LPAR5: variants seen among roughly 807,000 people sequenced by gnomAD.
LPAR5 encodes the protein lysophosphatidic acid receptor 5, also known as G protein-coupled receptor 92.
For synonymous variants in LPAR5, 271 were observed against 261.6 expected (o/e 1.04, Z -0.35); for missense variants, 544 against 521.8 (o/e 1.04, Z -0.41).
At chr12:6,632,839 C>T (rs1427570744) in intron 1 of LPAR5, among the ~76,000 whole-genome samples, 2 of 152,220 alleles carry the variant, frequency 1.3e-5, no homozygotes, top group Non-Finnish European at 2.9e-5. Flanking sequence ...AGGCCTCCTT[C>T]TGCCCAGGGG....
intron 1 of LPAR5, among the ~76,000 whole-genome samples, chr12:6,628,790 G>A (rs1368288424): frequency 1.3e-5 from 2 of 151,936 alleles, no homozygotes; most frequent in Non-Finnish European, 2.9e-5. Context: ...GTGCCACCAC[G>A]CCCAGCTAAT....
chr12:6,625,001 G>A (rs1948923553), intron 1 of LPAR5, among the ~76,000 whole-genome samples: 1 of 152,130 alleles, frequency 6.6e-6, no homozygotes, highest in Admixed American at 6.6e-5. Flanking sequence ...TGAATACTTG[G>A]ATTCTTTCCA....
chr12:6,633,380 A>G (rs185049396), intron 1 of LPAR5, among the ~76,000 whole-genome samples: 230 of 149,364 alleles, frequency 1.5e-3, no homozygotes, highest in Non-Finnish European at 2.3e-3. Flanking sequence ...TTCAGCCCTC[A>G]CTGCTCTTGC....
rs1949005719 is a variant in LPAR5, at chr12:6,635,895, A to T, written c.-217+12T>A. The T allele has an allele frequency of 6.6e-6, 1 of 151,826 alleles. No individual in the cohort carries two copies. Among genetic ancestry groups the T allele is most frequent in the Non-Finnish European group, 1.5e-5 (1 of 68,162 alleles). The allele number at this position is 151,826 out of a possible 1,614,324, so 9.4% of individuals were successfully genotyped here. The stretch of plus-strand genomic sequence containing the variant: ...TGCTCCCTGTGCAGTTCAATTCGTG[A>T]CACCCCCATACCTGTGCTCCGTGTT... On this transcript the variant is annotated intron_variant, in intron 1 of 1. Transcript: ENST00000329858.
intron 1 of LPAR5, among the ~76,000 whole-genome samples, chr12:6,623,875 C>A (rs1333330068): frequency 1.3e-5 from 2 of 148,744 alleles, no homozygotes; most frequent in East Asian, 4.2e-4. Flanking sequence ...GCAGGAGAGT[C>A]CTTGAACCCG....
At chr12:6,621,611 ATAGTGT>A in intron 1 of LPAR5, 147 bp from the exon 2 acceptor site, 1 of 197,752 alleles carries the variant, frequency 5.1e-6, no homozygotes, top group East Asian at 1.2e-4. Context: ...ACTATATAGT[ATAGTGT>A]TAAACACCCA....
intron 1 of LPAR5, among the ~76,000 whole-genome samples, chr12:6,622,519 T>C (rs1321734681): frequency 6.9e-6 from 1 of 144,860 alleles, no homozygotes; most frequent in East Asian, 2.1e-4. Flanking sequence ...GAGGCTGAGG[T>C]GGGCGGATCA....
In LPAR5 at chr12:6,619,667, G is replaced by A. The variant is rs1160454828; in HGVS notation, c.*463C>T. The A allele has an allele frequency of 3.0e-6, 1 of 328,986 alleles. No homozygotes were observed. The highest frequency in any genetic ancestry group is 2.1e-5 in the African/African-American group (1 of 46,530). 20.4% of individuals were successfully genotyped at this position (328,986 alleles called of 1,614,324 possible). A position where few individuals can be genotyped will look rare whatever the true frequency, so the allele number is the denominator to read the frequency against. The stretch of plus-strand genomic sequence containing the variant: ...AGGGGAAGCCTAGGCCGAAATGAAA[G>A]GGGGTGGCATCCATGAGCCTAGACA... On this transcript the variant is annotated 3_prime_UTR_variant, in exon 2 of 2. Coordinates refer to ENST00000329858, the MANE Select transcript of LPAR5 (RefSeq NM_020400.6).
At position 6,621,001 on chromosome 12, in the gene LPAR5, G is replaced by T; in HGVS notation, c.248C>A (p.Ala83Glu). 1.2e-6 allele frequency: 2 copies of T among 1,613,516 alleles called. No individual in the cohort carries two copies. Among genetic ancestry groups the T allele is most frequent in the Non-Finnish European group, 1.7e-6 (2 of 1,179,762 alleles). Reference sequence around the variant, plus strand: ...GTCGGGGAAGGGCCAGTGGTGCAGTGCGTAGTAGGAGAGACGAACGGGCAG... The same window carrying T: ...GTCGGGGAAGGGCCAGTGGTGCAGTTCGTAGTAGGAGAGACGAACGGGCAG... The part of the protein sequence containing the change: ...LSLPVRLSYY[A>E]LHHWPFPDLL... Residue 83 changes from alanine to glutamate, a missense_variant, in exon 2 of 2, where the codon GCA becomes GAA. Transcript: ENST00000329858.
Position 6,620,706 on chromosome 12 carries a change from G to C in LPAR5, c.543C>G (p.Asp181Glu), listed in dbSNP as rs1277326439. ...EVRLCFESFS[D>E]ELWKGRLLPL... ...GCAGCAGCCTGCCTTTCCACAGCTC[G>C]TCGCTGAAGCTCTCGAAGCATAGGC... Residue 181 changes from aspartate (D) to glutamate (E), a missense_variant, in exon 2 of 2, where the codon GAC (aspartate) becomes GAG (glutamate). Coordinates refer to ENST00000329858, the MANE Select transcript of LPAR5 (RefSeq NM_020400.6). This position sits in a 1 kb window ranked among gnomAD's most constrained non-coding sequence, Gnocchi z 6.8. The C allele has an allele frequency of 6.3e-7, 1 of 1,579,566 alleles. No homozygotes were observed. The highest frequency in any genetic ancestry group is 1.8e-5 in the Admixed American group (1 of 55,230).
chr12:6,619,989 T>C lies in LPAR5; in HGVS notation c.*141A>G, dbSNP rs146136787. On this transcript the variant is annotated 3_prime_UTR_variant, in exon 2 of 2. Transcript: ENST00000329858. ...TCCCTGGGCCCTGGCTTCCACACTT[T>C]GTACTCTTCTGCGTTGCTAAGCTGG... is the stretch of plus-strand genomic sequence containing the variant. The C allele has an allele frequency of 8.5e-7, 1 of 1,174,650 alleles. No homozygotes were observed. 72.8% of individuals were successfully genotyped at this position (1,174,650 alleles called of 1,614,324 possible). A position where few individuals can be genotyped will look rare whatever the true frequency, so the allele number is the denominator to read the frequency against.
At chr12:6,633,329 G>A (rs1948992241) in intron 1 of LPAR5, among the ~76,000 whole-genome samples, 1 of 152,098 alleles carries the variant, frequency 6.6e-6, no homozygotes, top group African/African-American at 2.4e-5. Flanking sequence ...ACCAGAGCCT[G>A]TGGGCTTTGC....
intron 1 of LPAR5, among the ~76,000 whole-genome samples, chr12:6,635,456 C>T (rs1341522896): frequency 2.0e-5 from 3 of 152,192 alleles, no homozygotes; most frequent in Non-Finnish European, 2.9e-5. Context: ...TGCCAGTCAA[C>T]CCATTAGCAA....
chr12:6,620,239 A>C lies in LPAR5; in HGVS notation c.1010T>G (p.Val337Gly). 1 of 1,611,266 alleles carries C rather than the reference A, an allele frequency of 6.2e-7. No homozygotes were observed. Among genetic ancestry groups the C allele is most frequent in the Non-Finnish European group, 8.5e-7 (1 of 1,178,778 alleles). Reference protein sequence around the residue: ...AALAQSERSAVTTDATRPDAA... With the variant: ...AALAQSERSAGTTDATRPDAA... ...ATCCGGCCTGGTGGCGTCGGTGGTGACGGCGGACCTTTCGGATTGCGCGAG... is the reference window on the plus strand; with the variant it reads ...ATCCGGCCTGGTGGCGTCGGTGGTGCCGGCGGACCTTTCGGATTGCGCGAG... The change falls in exon 2 of 2, where the codon GTC (valine) becomes GGC (glycine). Residue 337 changes from valine (V) to glycine (G), a missense_variant. By Grantham distance (109) the Val-to-Gly change is moderately radical (BLOSUM62 -3). Coordinates refer to ENST00000329858, the MANE Select transcript of LPAR5 (RefSeq NM_020400.6). The surrounding 1 kb of genome is among the most constrained non-coding windows in gnomAD (Gnocchi z 6.8).
chr12:6,632,314 C>G (rs890456846), intron 1 of LPAR5, among the ~76,000 whole-genome samples: 15 of 152,126 alleles, frequency 9.9e-5, no homozygotes, highest in African/African-American at 3.6e-4. Flanking sequence ...CCCCTGACTC[C>G]AATTCCTAGG....
At chr12:6,633,022 G>A (rs1173821328) in intron 1 of LPAR5, among the ~76,000 whole-genome samples, 3 of 152,046 alleles carry the variant, frequency 2.0e-5, no homozygotes, top group Non-Finnish European at 2.9e-5. Flanking sequence ...CATCATCCTC[G>A]GCCCTGGCTT....
intron 1 of LPAR5, among the ~76,000 whole-genome samples, chr12:6,632,196 C>T (rs143635622): frequency 3.2e-4 from 48 of 152,250 alleles, no homozygotes; most frequent in African/African-American, 1.0e-3. Context: ...TGGTCTTGAA[C>T]TCCTGACCTT....
In LPAR5 at chr12:6,620,111, A is replaced by G; in HGVS notation, c.*19T>C. ...GAGGCGTTGGGAGTCGGGCACGGAC[A>G]GCGCAATGGCATGTGTGTTCAGAGG... On this transcript the variant is annotated 3_prime_UTR_variant, in exon 2 of 2. Coordinates refer to ENST00000329858, the MANE Select transcript of LPAR5 (RefSeq NM_020400.6). The surrounding 1 kb of genome is among the most constrained non-coding windows in gnomAD (Gnocchi z 6.8). The G allele has an allele frequency of 6.2e-7, 1 of 1,613,716 alleles. No individual in the cohort carries two copies. The highest frequency in any genetic ancestry group is 8.5e-7 in the Non-Finnish European group (1 of 1,179,896).
At chr12:6,631,423 G>A (rs1217095768) in intron 1 of LPAR5, among the ~76,000 whole-genome samples, 2 of 152,148 alleles carry the variant, frequency 1.3e-5, no homozygotes, top group Non-Finnish European at 2.9e-5. Flanking sequence ...AGGCACTGAG[G>A]AGCAAAGTGA....
Sources: gnomAD v4.1 joint callset for allele counts (sites outside exome capture counted in the v4.1 genomes callset) on GRCh38, gnomAD v4.1.1 for gene constraint, Gnocchi (gnomAD v3.1) non-coding constraint, MANE v1.5 for transcripts, NCBI Gene and HGNC (gene_info 2026-07-23, HGNC 2026-07-21) for gene names.